The following CPLX2 variants were observed in gnomAD, a reference collection of about 807,000 sequenced individuals.
CPLX2 encodes the protein complexin 2, also known as complexin-2.
A neutral mutation model predicts 16.3 loss-of-function variants in CPLX2; 5 were observed. The observed-to-expected ratio is 0.31, with a 90% CI of 0.16 to 0.64. The LOEUF (loss-of-function observed/expected upper bound fraction) is 0.64. Among genes scored for constraint, CPLX2 ranks in the 30% least tolerant of loss-of-function variants. CPLX2 has a pLI of 0.79. For synonymous variants in CPLX2, 89 were observed against 73.2 expected (o/e 1.22, Z -1.10); for missense variants, 144 against 181.4 (o/e 0.79, Z 1.18).
upstream of CPLX2, among the ~76,000 whole-genome samples, chr5:175,870,554 T>C (rs374160157): frequency 4.6e-5 from 7 of 152,112 alleles, no homozygotes; most frequent in African/African-American, 1.7e-4. Flanking sequence ...CACATCGGGC[T>C]GGAGTAATTG....
chr5:175,833,075 G>A (rs1310617400), intron 2 of CPLX2, among the ~76,000 whole-genome samples: 3 of 151,528 alleles, frequency 2.0e-5, no homozygotes, highest in Non-Finnish European at 4.4e-5. Context: ...AGAATCACTT[G>A]AACCCAGCAG....
chr5:175,848,164 A>T (rs1759085284), intron 2 of CPLX2, among the ~76,000 whole-genome samples: 1 of 152,104 alleles, frequency 6.6e-6, no homozygotes. Context: ...CATCATACCT[A>T]TAAGGAGATC....
intron 2 of CPLX2, among the ~76,000 whole-genome samples, chr5:175,848,334 T>G (rs1759089255): frequency 6.6e-6 from 1 of 152,070 alleles, no homozygotes. Flanking sequence ...TCAGGAAGCA[T>G]CCCTGGACCA....
intron 1 of CPLX2, among the ~76,000 whole-genome samples, chr5:175,807,966 G>C (rs796573405): frequency 2.0e-5 from 3 of 152,348 alleles, no homozygotes; most frequent in African/African-American, 7.2e-5. Flanking sequence ...CTGCAAGTGA[G>C]ACAATAGTAT....
intron 1 of CPLX2, 34 bp from the exon 2 acceptor site, chr5:175,878,618 C>A: frequency 9.0e-7 from 1 of 1,116,516 alleles, no homozygotes; most frequent in Non-Finnish European, 1.3e-6. Context: ...TGTGCAGAGG[C>A]CTCTCCCATC....
intron 1 of CPLX2, among the ~76,000 whole-genome samples, chr5:175,807,469 G>A (rs1429623748): frequency 6.6e-6 from 1 of 152,212 alleles, no homozygotes; most frequent in African/African-American, 2.4e-5. Flanking sequence ...GCTCCCAGGT[G>A]CTCGTTCCCT....
At chr5:175,859,007 T>C (rs1300159449) in intron 2 of CPLX2, among the ~76,000 whole-genome samples, 2 of 152,208 alleles carry the variant, frequency 1.3e-5, no homozygotes, top group Admixed American at 6.5e-5. Flanking sequence ...CGTGATCTGA[T>C]GGCATCACAA....
chr5:175,804,187 T>G (rs367581269), intron 1 of CPLX2, among the ~76,000 whole-genome samples: 1 of 152,194 alleles, frequency 6.6e-6, no homozygotes, highest in Admixed American at 6.5e-5. Flanking sequence ...GTGAAATGAA[T>G]TGTGCATAAG....
At chr5:175,870,535 A>G (rs1206656667), upstream of CPLX2, among the ~76,000 whole-genome samples, 1 of 152,080 alleles carries the variant, frequency 6.6e-6, no homozygotes, top group Non-Finnish European at 1.5e-5. Context: ...CTCCGAAGCC[A>G]TTTTCCTACA....
intron 1 of CPLX2, among the ~76,000 whole-genome samples, chr5:175,804,502 A>C (rs1266308551): frequency 6.6e-6 from 1 of 152,114 alleles, no homozygotes; most frequent in Non-Finnish European, 1.5e-5. Context: ...CTCCAGCCTC[A>C]ATTTCCCCAT....
intron 2 of CPLX2, among the ~76,000 whole-genome samples, chr5:175,853,591 G>A (rs1031432696): frequency 6.6e-6 from 1 of 152,202 alleles, no homozygotes; most frequent in Non-Finnish European, 1.5e-5. Flanking sequence ...CTGGGGACAA[G>A]GGGCAGAGTC....
At chr5:175,853,678 C>T (rs1167082169) in intron 2 of CPLX2, among the ~76,000 whole-genome samples, 10 of 152,166 alleles carry the variant, frequency 6.6e-5, no homozygotes, top group Non-Finnish European at 1.2e-4. Flanking sequence ...CTGTCTGCAC[C>T]GGCCCCTTCT....
Position 175,841,539 on chromosome 5 carries a change from C to T in CPLX2, c.-89+32471C>T, listed in dbSNP as rs116223859. On this transcript the variant is annotated intron_variant, in intron 2 of 4. Transcript: ENST00000359546. ...CTCAACTACCCTAAAACATGCACTC[C>T]TGCTGCTAGCAAGAACCCTATGTCT... 2.6e-3 allele frequency among the ~76,000 whole-genome samples: 391 copies of T among 152,350 alleles called. 3 individuals are homozygous for T. The highest frequency in any genetic ancestry group is 7.9e-3 in the African/African-American group (330 of 41,580).
intron 2 of CPLX2, among the ~76,000 whole-genome samples, chr5:175,848,530 T>G (rs1185633983): frequency 6.6e-6 from 1 of 151,764 alleles, no homozygotes; most frequent in Non-Finnish European, 1.5e-5. Flanking sequence ...ATGGGCAGAG[T>G]AAGACTCAGA....
rs1484029293 is a variant in CPLX2 at position 175,845,528 on chromosome 5, A to G, written c.-88-33124A>G. Among the ~76,000 whole-genome samples, 1 of 152,120 alleles carries G rather than the reference A, an allele frequency of 6.6e-6. No homozygotes were observed. The highest frequency in any genetic ancestry group is 1.5e-5 in the Non-Finnish European group (1 of 68,028). On this transcript the variant is annotated intron_variant, in intron 2 of 4. Coordinates refer to the CPLX2 transcript ENST00000359546. This position sits in a 1 kb window ranked among gnomAD's most constrained non-coding sequence, Gnocchi z 4.0. ...CCCTCATGAGGGCCACTCCCCCTAGAGTAACTGCCCCCATCTGCGTCACTG... is the reference window on the plus strand; with the variant it reads ...CCCTCATGAGGGCCACTCCCCCTAGGGTAACTGCCCCCATCTGCGTCACTG...
At chr5:175,871,752 A>C (rs1293746060) in intron 1 of CPLX2, 47 bp downstream of exon 1, 1 of 152,552 alleles carries the variant, frequency 6.6e-6, no homozygotes, top group African/African-American at 2.4e-5. Context: ...GCTGTGGGCA[A>C]CAGGGTCCCG....
intron 2 of CPLX2, among the ~76,000 whole-genome samples, chr5:175,857,205 C>T (rs1274145468): frequency 6.6e-6 from 1 of 152,186 alleles, no homozygotes; most frequent in Non-Finnish European, 1.5e-5. Context: ...ACTCCCAGCT[C>T]AAGGGAGCAT....
chr5:175,855,728 C>T (rs550802122), intron 2 of CPLX2, among the ~76,000 whole-genome samples: 1 of 152,244 alleles, frequency 6.6e-6, no homozygotes, highest in Admixed American at 6.5e-5. Flanking sequence ...GCCCCAGGAT[C>T]GAGTCTCACT....
intron 2 of CPLX2, among the ~76,000 whole-genome samples, chr5:175,829,888 G>A (rs1221650854): frequency 1.3e-5 from 2 of 152,170 alleles, no homozygotes; most frequent in African/African-American, 2.4e-5. Context: ...ACAAGGATGC[G>A]GGGTAAGCTG....
Sources: gnomAD v4.1 joint callset for allele counts (sites outside exome capture counted in the v4.1 genomes callset) on GRCh38, gnomAD v4.1.1 for gene constraint, Gnocchi (gnomAD v3.1) non-coding constraint, MANE v1.5 for transcripts, NCBI Gene and HGNC (gene_info 2026-07-23, HGNC 2026-07-21) for gene names.